Variants in ZBTB43 observed in about 807,000 individuals in gnomAD.
ZBTB43 encodes zinc finger and BTB domain-containing protein 43.
Under a neutral mutation model 31.1 loss-of-function variants are expected in ZBTB43, and 6 were observed. The ratio of observed to expected loss-of-function variants is 0.19; its 90% CI spans 0.11 to 0.38. The LOEUF is 0.38. Ranked by LOEUF, ZBTB43 falls within the 10% of genes least tolerant of loss-of-function variation. The pLI, the probability that ZBTB43 is intolerant of heterozygous loss-of-function variation, is 1.00. For synonymous variants in ZBTB43, 212 were observed against 221.7 expected, an observed-to-expected ratio of 0.96 and a Z score of 0.39; for missense variants, 379 against 602.1, an observed-to-expected ratio of 0.63 and a Z score of 3.88.
intron 1 of ZBTB43, among the ~76,000 whole-genome samples, chr9:126,805,632 CT>C (rs2032108702): frequency 6.6e-6 from 1 of 152,204 alleles, no homozygotes. Context: ...CCCTTTTTGT[CT>C]TTCAGCTAGG....
upstream of ZBTB43, among the ~76,000 whole-genome samples, chr9:126,804,613 T>C (rs571001643): frequency 7.9e-5 from 12 of 152,252 alleles, 1 homozygote; most frequent in South Asian, 1.7e-3. Flanking sequence ...GCTTCCCAAG[T>C]AGCTGGGATT....
chr9:126,825,185 C>G (rs2032604106), intron 2 of ZBTB43, among the ~76,000 whole-genome samples: 1 of 152,190 alleles, frequency 6.6e-6, no homozygotes, highest in Admixed American at 6.5e-5. Context: ...AAGTGATCCT[C>G]CCACCTCAGC....
In ZBTB43 at chr9:126,836,565, CT is replaced by C. The variant is rs537920354; in HGVS notation, c.*2659del. On this transcript the variant is annotated 3_prime_UTR_variant, in exon 3 of 3. Coordinates refer to ENST00000373464, the MANE Select transcript of ZBTB43 (RefSeq NM_014007.4). ...AATTTTTGTAAACTCTGGTTTTTACCTTTTTTTCATCCCCACGTTGAGTTGG... is the reference window on the plus strand; with the variant it reads ...AATTTTTGTAAACTCTGGTTTTTACCTTTTTTCATCCCCACGTTGAGTTGG... 6.0e-5 allele frequency: 10 copies of C among 166,936 alleles called. No homozygotes were observed. Among genetic ancestry groups the C allele is most frequent in the Admixed American group, 6.6e-5 (1 of 15,264 alleles). 10.3% of individuals were successfully genotyped at this position (166,936 alleles called of 1,614,324 possible). A position where few individuals can be genotyped will look rare whatever the true frequency, so the allele number is the denominator to read the frequency against.
chr9:126,807,161 G>T (rs2032145022), intron 1 of ZBTB43, among the ~76,000 whole-genome samples: 1 of 151,986 alleles, frequency 6.6e-6, no homozygotes. Flanking sequence ...TTATTTAATT[G>T]AATCCTAGAT....
At chr9:126,814,649 C>T (rs1374975181) in intron 2 of ZBTB43, among the ~76,000 whole-genome samples, 3 of 151,822 alleles carry the variant, frequency 2.0e-5, no homozygotes, top group Admixed American at 6.6e-5. Flanking sequence ...AAAAATTAGC[C>T]GGGCATGGTG....
chr9:126,834,049 C>A lies in ZBTB43; in HGVS notation c.*136C>A. The A allele has an allele frequency of 9.5e-7, 1 of 1,056,678 alleles. No homozygotes were observed. Among genetic ancestry groups the A allele is most frequent in the Non-Finnish European group, 1.3e-6 (1 of 756,428 alleles). The allele number at this position is 1,056,678 out of a possible 1,614,324, so 65.5% of individuals were successfully genotyped here. A position where few individuals can be genotyped will look rare whatever the true frequency, so the allele number is the denominator to read the frequency against. ...AAAAAAGGAAGATATTTCTGAAAGA[C>A]CAGCTCTAAGTAGGCCAATTAAAAA... is the stretch of plus-strand genomic sequence containing the variant. On this transcript the variant is annotated 3_prime_UTR_variant, in exon 3 of 3. Transcript: ENST00000373464.
chr9:126,830,490 C>G (rs904993193), intron 2 of ZBTB43, among the ~76,000 whole-genome samples: 1 of 152,088 alleles, frequency 6.6e-6, no homozygotes, highest in African/African-American at 2.4e-5. Context: ...GCAAAAAATA[C>G]AAAAATTAGC....
At chr9:126,814,144 C>T (rs1380424362) in intron 2 of ZBTB43, among the ~76,000 whole-genome samples, 1 of 152,042 alleles carries the variant, frequency 6.6e-6, no homozygotes, top group African/African-American at 2.4e-5. Context: ...TTTCCTGCTA[C>T]AATTACAGTT....
At chr9:126,823,314 A>G (rs1377599473) in intron 2 of ZBTB43, among the ~76,000 whole-genome samples, 1 of 152,096 alleles carries the variant, frequency 6.6e-6, no homozygotes, top group African/African-American at 2.4e-5. Flanking sequence ...TATGTTTATA[A>G]TTGTTATATT....
chr9:126,804,112 G>C (rs1053919977), upstream of ZBTB43, among the ~76,000 whole-genome samples: 4 of 152,108 alleles, frequency 2.6e-5, no homozygotes, highest in African/African-American at 7.2e-5. Flanking sequence ...GTCTGTAAAC[G>C]GGTCCAAAGG....
At chr9:126,828,235 G>T (rs2032686052) in intron 2 of ZBTB43, among the ~76,000 whole-genome samples, 1 of 151,480 alleles carries the variant, frequency 6.6e-6, no homozygotes, top group Non-Finnish European at 1.5e-5. Flanking sequence ...CCAGGCTGGA[G>T]TGCAGTGGCG....
At chr9:126,805,900 A>AG (rs2032117285) in intron 1 of ZBTB43, among the ~76,000 whole-genome samples, 1 of 152,196 alleles carries the variant, frequency 6.6e-6, no homozygotes, top group South Asian at 2.1e-4. Flanking sequence ...GAGCCATGGA[A>AG]GGTGACTCAT....
At chr9:126,827,957 T>C (rs1320069417) in intron 2 of ZBTB43, among the ~76,000 whole-genome samples, 1 of 151,806 alleles carries the variant, frequency 6.6e-6, no homozygotes, top group African/African-American at 2.4e-5. Flanking sequence ...GCAGAGGTTG[T>C]GGTGAGCTGA....
chr9:126,814,342 TGTAAAAA>T (rs2032325326), intron 2 of ZBTB43, among the ~76,000 whole-genome samples: 4 of 144,370 alleles, frequency 2.8e-5, no homozygotes, highest in Admixed American at 6.8e-5. Context: ...ATTTTACATC[TGTAAAAA>T]TTTTACAGAT....
At chr9:126,810,555 G>A (rs1031467762) in intron 2 of ZBTB43, among the ~76,000 whole-genome samples, 11 of 138,156 alleles carry the variant, frequency 8.0e-5, no homozygotes, top group African/African-American at 2.9e-4. Context: ...AGGCTGGAGC[G>A]CGTGGCGAGA....
chr9:126,817,472 A>G lies in ZBTB43; in HGVS notation c.-24+8557A>G, dbSNP rs113378051. ...CATAATACATTGAATATAATGTTCC[A>G]TGAAGTTTTTTTTTTTTTTTTGAGA... On this transcript the variant is annotated intron_variant, in intron 2 of 2. Transcript: ENST00000373464. Among the ~76,000 whole-genome samples the G allele has an allele frequency of 4.1e-3, 565 of 138,946 alleles. 5 individuals are homozygous for G. The highest frequency in any genetic ancestry group is 0.014 in the African/African-American group (532 of 37,830). The allele number at this position is 138,946 out of a possible 152,430, so 91.2% of individuals were successfully genotyped here. A position where few individuals can be genotyped will look rare whatever the true frequency, so the allele number is the denominator to read the frequency against.
At chr9:126,828,200 T>C (rs1288886259) in intron 2 of ZBTB43, among the ~76,000 whole-genome samples, 1 of 151,968 alleles carries the variant, frequency 6.6e-6, no homozygotes, top group Non-Finnish European at 1.5e-5. Flanking sequence ...TATTTTTTTT[T>C]TGAGATGGAG....
chr9:126,828,558 C>T (rs1479931300), intron 2 of ZBTB43, among the ~76,000 whole-genome samples: 1 of 148,558 alleles, frequency 6.7e-6, no homozygotes, highest in Admixed American at 6.7e-5. Flanking sequence ...TCTGGGAGGC[C>T]GAGGCGGGAG....
At chr9:126,831,137 G>A (rs1295567494) in intron 2 of ZBTB43, among the ~76,000 whole-genome samples, 1 of 152,170 alleles carries the variant, frequency 6.6e-6, no homozygotes, top group Non-Finnish European at 1.5e-5. Flanking sequence ...GACCAGAGGT[G>A]CAATTGTCCC....
Sources: gnomAD v4.1 joint callset for allele counts (sites outside exome capture counted in the v4.1 genomes callset) on GRCh38, gnomAD v4.1.1 for gene constraint, MANE v1.5 for transcripts, NCBI Gene and HGNC (gene_info 2026-07-23, HGNC 2026-07-21) for gene names.